GLRA3: variants seen among roughly 807,000 people sequenced by gnomAD.
The protein encoded by GLRA3 is glycine receptor subunit alpha-3.
In GLRA3, 44 loss-of-function variants were observed where a neutral mutation model predicts 60.4. The ratio of observed to expected loss-of-function variants is 0.73; its 90% CI spans 0.57 to 0.94. GLRA3 has a LOEUF of 0.94. GLRA3 is among the 40% of genes least tolerant of loss of function. The probability of loss-of-function intolerance (pLI) is 0.00; values close to 1 mark genes in which losing one functional copy is unlikely to be tolerated. For missense variants in GLRA3, 508 were observed against 564.6 expected (o/e 0.90, Z 1.02); for synonymous variants, 223 against 192.9 (o/e 1.16, Z -1.29).
chr4:174,745,035 A>G lies in GLRA3; in HGVS notation c.268-16337T>C, dbSNP rs1274861178. Among the ~76,000 whole-genome samples the G allele has an allele frequency of 1.3e-5, 2 of 152,188 alleles. 1 individual carries two copies. Among genetic ancestry groups the G allele is most frequent in the South Asian group, 4.1e-4 (2 of 4,832 alleles). On this transcript the variant is annotated intron_variant, in intron 3 of 9. Transcript: ENST00000274093. ...CAAAATACACTCAAAAGCTTCAACA[A>G]TAGACTGAATCTAACAGAAGAAAGA...
chr4:174,711,446 T>TA (rs70947457), intron 5 of GLRA3, among the ~76,000 whole-genome samples: 61,886 of 136,064 alleles, frequency 0.45, 14,310 homozygotes, highest in Admixed American at 0.53. Flanking sequence ...TATATATATA[T>TA]TTTTTTTTTT....
intron 5 of GLRA3, among the ~76,000 whole-genome samples, chr4:174,689,436 C>T (rs1407918098): frequency 6.6e-6 from 1 of 152,034 alleles, no homozygotes; most frequent in East Asian, 1.9e-4. Flanking sequence ...TTATATTTTG[C>T]ATAAATTTAT....
intron 3 of GLRA3, among the ~76,000 whole-genome samples, chr4:174,744,115 T>C (rs1052247181): frequency 9.2e-5 from 14 of 152,286 alleles, no homozygotes; most frequent in Non-Finnish European, 1.5e-5. Context: ...CCATCAAAAG[T>C]AGTTAGGCCT....
chr4:174,793,456 ATTT>A (rs1739442031), intron 1 of GLRA3, among the ~76,000 whole-genome samples: 1 of 150,316 alleles, frequency 6.7e-6, no homozygotes, highest in African/African-American at 2.4e-5. Flanking sequence ...TTATTTATTT[ATTT>A]ATTTATATTT....
chr4:174,809,898 G>A (rs1397603804), intron 1 of GLRA3, among the ~76,000 whole-genome samples: 2 of 151,974 alleles, frequency 1.3e-5, no homozygotes, highest in Non-Finnish European at 2.9e-5. Flanking sequence ...ATAATTCAAA[G>A]TAAAGGATTA....
intron 3 of GLRA3, among the ~76,000 whole-genome samples, chr4:174,762,529 T>G (rs913799302): frequency 2.3e-4 from 35 of 152,144 alleles, no homozygotes; most frequent in African/African-American, 7.7e-4. Context: ...GGCATAGGGT[T>G]AGAGAAATCA....
intron 4 of GLRA3, 115 bp from the exon 5 acceptor site, chr4:174,715,685 T>G: frequency 1.8e-6 from 1 of 549,704 alleles, no homozygotes; most frequent in South Asian, 2.9e-5. Context: ...AAGTAAAAAT[T>G]TCTCCAGCTT....
At chr4:174,802,774 A>C (rs1043660175) in intron 1 of GLRA3, among the ~76,000 whole-genome samples, 12 of 152,148 alleles carry the variant, frequency 7.9e-5, no homozygotes, top group Non-Finnish European at 1.8e-4. Context: ...GAGAAACTTG[A>C]GTCATCAAAA....
chr4:174,746,528 G>A (rs1349378776), intron 3 of GLRA3, among the ~76,000 whole-genome samples: 1 of 152,088 alleles, frequency 6.6e-6, no homozygotes, highest in African/African-American at 2.4e-5. Context: ...GATTAAGAGA[G>A]GTTGGTTATG....
Position 174,643,924 on chromosome 4 carries a change from C to T in GLRA3, c.1257G>A (p.Lys419=), listed in dbSNP as rs780098337. 1 of 1,614,020 alleles carries T rather than the reference C, an allele frequency of 6.2e-7. No individual in the cohort carries two copies. Among genetic ancestry groups the T allele is most frequent in the Non-Finnish European group, 8.5e-7 (1 of 1,179,968 alleles). ...TCTTCTTGGCCCGGTCGATAAAGAC[C>T]TTCCTCATTTCATCAGGACTTTTTG... ...VMPKSPDEMR[K]VFIDRAKKID... is the part of the protein sequence containing the mutation. Residue 419 remains lysine, a synonymous_variant, in exon 10 of 10, where the codon AAG becomes AAA. Coordinates refer to ENST00000274093, the MANE Select transcript of GLRA3 (RefSeq NM_006529.4).
chr4:174,730,868 G>C (rs971309861), intron 3 of GLRA3, among the ~76,000 whole-genome samples: 1 of 152,080 alleles, frequency 6.6e-6, no homozygotes, highest in Non-Finnish European at 1.5e-5. Context: ...GAGGCCCCTG[G>C]ATGACAATAA....
chr4:174,642,276 A>G lies in GLRA3; in HGVS notation c.*1510T>C, dbSNP rs1304878847. 9 of 947,094 alleles carry G rather than the reference A, an allele frequency of 9.5e-6. No individual in the cohort carries two copies. The highest frequency in any genetic ancestry group is 1.1e-5 in the Non-Finnish European group (9 of 795,252). 58.7% of individuals were successfully genotyped at this position (947,094 alleles called of 1,614,324 possible). On this transcript the variant is annotated 3_prime_UTR_variant, in exon 10 of 10. Coordinates refer to ENST00000274093, the MANE Select transcript of GLRA3 (RefSeq NM_006529.4). ...TTTGAAAGTGGTTGAAGGGTAGAAA[A>G]TAGCATCTTGTTAAAGAACTGGCTT...
chr4:174,747,324 G>T (rs1452829333), intron 3 of GLRA3, among the ~76,000 whole-genome samples: 1 of 152,074 alleles, frequency 6.6e-6, no homozygotes, highest in Non-Finnish European at 1.5e-5. Context: ...GAGTTCAAAG[G>T]GCATTCTGAA....
chr4:174,809,139 C>T lies in GLRA3; in HGVS notation c.71+19602G>A, dbSNP rs575131005. 1.0e-3 allele frequency among the ~76,000 whole-genome samples: 158 copies of T among 152,214 alleles called. 1 individual carries two copies. Among genetic ancestry groups the T allele is most frequent in the African/African-American group, 3.7e-3 (152 of 41,558 alleles). ...ATCATTTGCTTTTACCTTTAGCAAA[C>T]GTAGTTTTACTGTATCATTTCTATG... is the stretch of plus-strand genomic sequence containing the variant. On this transcript the variant is annotated intron_variant, in intron 1 of 9. Coordinates refer to ENST00000274093, the MANE Select transcript of GLRA3 (RefSeq NM_006529.4).
intron 1 of GLRA3, among the ~76,000 whole-genome samples, chr4:174,809,005 C>T (rs1401584483): frequency 2.0e-5 from 3 of 152,040 alleles, no homozygotes; most frequent in Non-Finnish European, 2.9e-5. Context: ...TTTAAAAATT[C>T]GACACTAGTG....
At chr4:174,677,390 C>G in intron 6 of GLRA3, 98 bp from the exon 7 acceptor site, 1 of 695,436 alleles carries the variant, frequency 1.4e-6, no homozygotes, top group Non-Finnish European at 2.5e-6. Flanking sequence ...GACAGGGTCT[C>G]ACTCTGTCCC....
intron 1 of GLRA3, among the ~76,000 whole-genome samples, chr4:174,813,611 C>T (rs1208427407): frequency 6.6e-6 from 1 of 152,196 alleles, no homozygotes; most frequent in African/African-American, 2.4e-5. Context: ...TATAATTGTG[C>T]ATTCAACTGA....
chr4:174,745,810 A>C (rs1007174146), intron 3 of GLRA3, among the ~76,000 whole-genome samples: 3 of 152,208 alleles, frequency 2.0e-5, no homozygotes, highest in African/African-American at 7.2e-5. Flanking sequence ...AAAAGTTCCA[A>C]ATAATCCCAT....
intron 7 of GLRA3, among the ~76,000 whole-genome samples, chr4:174,675,367 A>G (rs889571220): frequency 6.6e-6 from 1 of 151,966 alleles, no homozygotes; most frequent in Admixed American, 6.6e-5. Flanking sequence ...CTGTGTTTTT[A>G]ATTTATTGCT....
Sources: allele counts gnomAD v4.1 joint callset (sites outside exome capture counted in the v4.1 genomes callset), GRCh38; gene constraint gnomAD v4.1.1; transcripts MANE v1.5; gene names NCBI Gene and HGNC (gene_info 2026-07-23, HGNC 2026-07-21).